Variants in FNIP1 observed in about 807,000 individuals in gnomAD.
The protein encoded by FNIP1 is folliculin-interacting protein 1.
In FNIP1, 40 loss-of-function variants were observed where a neutral mutation model predicts 124.5. That is an observed-to-expected ratio of 0.32 (90% CI 0.25 to 0.42). The LOEUF (loss-of-function observed/expected upper bound fraction) is 0.42, where lower values mean the gene tolerates loss of function less well. Among genes scored for constraint, FNIP1 ranks in the 10% least tolerant of loss-of-function variants. The pLI is 1.00. For synonymous variants in FNIP1, 472 were observed against 470.6 expected (o/e 1.00, Z -0.04); for missense variants, 1,176 against 1,403.7 (o/e 0.84, Z 2.59).
At chr5:131,788,310 A>C (rs1772283363) in intron 1 of FNIP1, among the ~76,000 whole-genome samples, 1 of 152,190 alleles carries the variant, frequency 6.6e-6, no homozygotes, top group Admixed American at 6.5e-5. Flanking sequence ...TATGTTTTAC[A>C]TGGGAAGTTA....
At chr5:131,677,969 A>G (rs1191058917) in intron 12 of FNIP1, 97 bp from the exon 13 acceptor site, 1 of 1,184,100 alleles carries the variant, frequency 8.4e-7, no homozygotes, top group Non-Finnish European at 1.2e-6. Flanking sequence ...ATATATGTTC[A>G]TGTGGCCAAA....
At chr5:131,684,175 A>T (rs1385539243) in intron 11 of FNIP1, among the ~76,000 whole-genome samples, 1 of 152,246 alleles carries the variant, frequency 6.6e-6, no homozygotes, top group Non-Finnish European at 1.5e-5. Flanking sequence ...ATGTCAAAAA[A>T]GTATATTTGT....
At chr5:131,686,128 C>T (rs1054101274) in intron 11 of FNIP1, among the ~76,000 whole-genome samples, 1 of 152,154 alleles carries the variant, frequency 6.6e-6, no homozygotes, top group Non-Finnish European at 1.5e-5. Flanking sequence ...TCAAAATGTC[C>T]TGATTTCAAT....
At chr5:131,649,160 G>A (rs1449927561) in intron 16 of FNIP1, among the ~76,000 whole-genome samples, 2 of 152,094 alleles carry the variant, frequency 1.3e-5, no homozygotes, top group African/African-American at 4.8e-5. Context: ...TAATTGTTTT[G>A]AGTATAAACG....
intron 3 of FNIP1, among the ~76,000 whole-genome samples, chr5:131,720,815 T>A (rs1383800422): frequency 6.6e-6 from 1 of 152,056 alleles, no homozygotes; most frequent in East Asian, 1.9e-4. Flanking sequence ...TTGGCTATAA[T>A]CAAAAAAGCA....
At chr5:131,687,720 C>T (rs1453286871) in intron 11 of FNIP1, among the ~76,000 whole-genome samples, 1 of 152,092 alleles carries the variant, frequency 6.6e-6, no homozygotes, top group Non-Finnish European at 1.5e-5. Flanking sequence ...GAGCCAATAA[C>T]CAGCAGGAAC....
intron 1 of FNIP1, among the ~76,000 whole-genome samples, chr5:131,764,737 ATCAATTATTTACTGTT>A (rs1392106005): frequency 1.3e-5 from 2 of 152,198 alleles, no homozygotes; most frequent in Non-Finnish European, 2.9e-5. Context: ...CTACACATGC[ATCAATTATTTACTGTT>A]TATAGATAGT....
intron 1 of FNIP1, among the ~76,000 whole-genome samples, chr5:131,769,868 A>G (rs1252780521): frequency 6.6e-6 from 1 of 152,198 alleles, no homozygotes; most frequent in African/African-American, 2.4e-5. Context: ...CGAGAAAATC[A>G]ATCTAAGTAT....
intron 11 of FNIP1, among the ~76,000 whole-genome samples, chr5:131,679,980 C>T (rs772579908): frequency 9.9e-5 from 15 of 152,222 alleles, no homozygotes; most frequent in Non-Finnish European, 1.9e-4. Context: ...TCCTGGAGAA[C>T]TACAGAATGG....
chr5:131,706,381 T>C (rs756171985), intron 9 of FNIP1, 30 bp downstream of exon 9: 1 of 1,590,906 alleles, frequency 6.3e-7, no homozygotes, highest in Non-Finnish European at 8.6e-7. Context: ...AACTACTCAA[T>C]CTTGTTCTGT....
At chr5:131,692,622 T>C (rs940611949) in intron 11 of FNIP1, among the ~76,000 whole-genome samples, 1 of 151,890 alleles carries the variant, frequency 6.6e-6, no homozygotes, top group Non-Finnish European at 1.5e-5. Flanking sequence ...AAAAACAAAG[T>C]TGGAGGACTG....
intron 11 of FNIP1, among the ~76,000 whole-genome samples, chr5:131,685,672 T>A (rs145822196): frequency 8.6e-4 from 131 of 152,186 alleles, no homozygotes; most frequent in African/African-American, 3.1e-3. Context: ...CAAGATGATC[T>A]CAAACTCCTG....
chr5:131,644,687 A>G lies in FNIP1; in HGVS notation c.3499T>C (p.Ter1167GlnextTer3). The change falls in exon 18 of 18, where the codon TAA (stop) becomes CAA (glutamine). Residue 1167 changes from the stop codon to glutamine, a stop_lost. Coordinates refer to ENST00000510461, the MANE Select transcript of FNIP1 (RefSeq NM_133372.3). ...HSPYVAQILL[*>Q] is the part of the protein sequence containing the mutation. ...ATTTCTAACAATTTTTAGGTATATT[A>G]AAGGAGTATTTGTGCAACATATGGA... The G allele has an allele frequency of 6.2e-7, 1 of 1,613,360 alleles. No individual in the cohort carries two copies. The highest frequency in any genetic ancestry group is 1.7e-5 in the Admixed American group (1 of 59,998).
chr5:131,739,812 C>T (rs915136524), intron 2 of FNIP1, among the ~76,000 whole-genome samples: 2 of 31,382 alleles, frequency 6.4e-5, no homozygotes, highest in Non-Finnish European at 1.5e-4. Flanking sequence ...GACTCCAGCT[C>T]AAAAAAAAAA....
At chr5:131,683,867 C>T (rs911530998) in intron 11 of FNIP1, among the ~76,000 whole-genome samples, 2 of 152,088 alleles carry the variant, frequency 1.3e-5, no homozygotes, top group Non-Finnish European at 2.9e-5. Flanking sequence ...AAACAGGTTC[C>T]TATGAGCCTC....
intron 11 of FNIP1, among the ~76,000 whole-genome samples, chr5:131,687,833 G>A (rs766821182): frequency 7.9e-5 from 12 of 152,136 alleles, no homozygotes; most frequent in Non-Finnish European, 1.6e-4. Context: ...CCACTTTCAT[G>A]GGATACTACC....
chr5:131,762,550 A>G (rs1771266254), intron 1 of FNIP1, among the ~76,000 whole-genome samples: 1 of 152,228 alleles, frequency 6.6e-6, no homozygotes, highest in Non-Finnish European at 1.5e-5. Context: ...ACCATGCAAT[A>G]TCATCTCACC....
At chr5:131,720,143 A>C (rs1435820717) in intron 3 of FNIP1, among the ~76,000 whole-genome samples, 1 of 152,224 alleles carries the variant, frequency 6.6e-6, no homozygotes, top group Non-Finnish European at 1.5e-5. Context: ...TACTGACATT[A>C]AGACAGACAT....
At chr5:131,699,966 G>A in intron 10 of FNIP1, among the ~76,000 whole-genome samples, 1 of 142,660 alleles carries the variant, frequency 7.0e-6, no homozygotes. Context: ...CAATAAGATA[G>A]CTAAAGGTGT....
Sources: allele counts gnomAD v4.1 joint callset (sites outside exome capture counted in the v4.1 genomes callset), GRCh38; gene constraint gnomAD v4.1.1; transcripts MANE v1.5; gene names NCBI Gene and HGNC (gene_info 2026-07-23, HGNC 2026-07-21).